Variants in MLPH observed in about 807,000 individuals in gnomAD.
MLPH encodes exophilin-3.
MLPH carries 51 observed loss-of-function variants against 72.1 expected under a neutral mutation model. The ratio of observed to expected loss-of-function variants is 0.71; its 90% confidence interval spans 0.56 to 0.89. The LOEUF (loss-of-function observed/expected upper bound fraction) is 0.89, where lower values mean the gene tolerates loss of function less well. Among genes scored for constraint, MLPH ranks in the 40% least tolerant of loss-of-function variants. MLPH has a pLI of 0.00. For synonymous variants in MLPH, 301 were observed against 310.1 expected, an observed-to-expected ratio of 0.97 and a Z score of 0.31; for missense variants, 743 against 759.9, an observed-to-expected ratio of 0.98 and a Z score of 0.26.
chr2:237,545,527 C>T (rs769132349), intron 12 of MLPH: 1 of 1,289,014 alleles, frequency 7.8e-7, no homozygotes, highest in Non-Finnish European at 1.0e-6. Flanking sequence ...AGTGTAAAAT[C>T]CAAAAGGAGC....
chr2:237,509,527 C>A (rs572857497), intron 2 of MLPH, among the ~76,000 whole-genome samples: 16 of 152,278 alleles, frequency 1.1e-4, no homozygotes, highest in African/African-American at 3.6e-4. Context: ...GGGACTTGTG[C>A]TCCTCTGTTT....
chr2:237,518,058 CTGAT>C (rs1005029421), intron 4 of MLPH: 6 of 242,292 alleles, frequency 2.5e-5, no homozygotes, highest in East Asian at 1.1e-4. Context: ...GGATGAGCCA[CTGAT>C]TGATTGGGTA....
Position 237,518,941 on chromosome 2 carries a change from G to A in MLPH, c.555+293G>A, listed in dbSNP as rs141452832. Among the ~76,000 whole-genome samples, 44 of 152,318 alleles carry A rather than the reference G, an allele frequency of 2.9e-4. No homozygotes were observed. The East Asian group carries it at 8.5e-3, about 29-fold the overall frequency. On this transcript the variant is annotated intron_variant, in intron 5 of 15. Coordinates refer to ENST00000264605, the MANE Select transcript of MLPH (RefSeq NM_024101.7). Reference sequence around the variant, plus strand: ...CTGGGGGCACACGGGTGTAGTGAGTGCAGGGGACTGCTGTAGGACAGGCAG... The same window carrying A: ...CTGGGGGCACACGGGTGTAGTGAGTACAGGGGACTGCTGTAGGACAGGCAG...
intron 2 of MLPH, among the ~76,000 whole-genome samples, chr2:237,500,578 T>C (rs922205803): frequency 6.6e-6 from 1 of 152,210 alleles, no homozygotes; most frequent in Non-Finnish European, 1.5e-5. Context: ...ACACATCCTC[T>C]GAACTCTGAC....
chr2:237,521,541 A>G (rs904416428), intron 6 of MLPH, among the ~76,000 whole-genome samples: 7 of 152,310 alleles, frequency 4.6e-5, no homozygotes, highest in African/African-American at 1.2e-4. Flanking sequence ...ATTAATGCCA[A>G]TTGTGACTAT....
intron 13 of MLPH, among the ~76,000 whole-genome samples, chr2:237,548,464 A>G (rs1422295165): frequency 1.3e-5 from 2 of 152,244 alleles, no homozygotes; most frequent in African/African-American, 4.8e-5. Context: ...GTGAGGACCA[A>G]CAGTCACAGG....
intron 12 of MLPH, chr2:237,545,686 C>T (rs1183788666): frequency 8.2e-7 from 1 of 1,219,320 alleles, no homozygotes; most frequent in Non-Finnish European, 1.0e-6. Flanking sequence ...ATTCAGGAAT[C>T]TTCAGACAAA....
chr2:237,494,665 G>C (rs2079499175), intron 2 of MLPH, among the ~76,000 whole-genome samples: 1 of 152,202 alleles, frequency 6.6e-6, no homozygotes, highest in Non-Finnish European at 1.5e-5. Flanking sequence ...TTCAAGGACA[G>C]AGTTGAGGTC....
chr2:237,551,779 A>C (rs1045160501), intron 14 of MLPH, among the ~76,000 whole-genome samples: 12 of 152,088 alleles, frequency 7.9e-5, no homozygotes, highest in Admixed American at 3.3e-4. Context: ...GGAGTTCGAG[A>C]CCAGCCTGGC....
chr2:237,545,283 C>T (rs115556734), intron 12 of MLPH, among the ~76,000 whole-genome samples: 1,586 of 151,164 alleles, frequency 0.01, 21 homozygotes, highest in African/African-American at 0.036. Context: ...GAGTTGGTGC[C>T]CCCTGAGGCC....
At chr2:237,513,428 G>T (rs2079949934) in intron 4 of MLPH, among the ~76,000 whole-genome samples, 1 of 152,136 alleles carries the variant, frequency 6.6e-6, no homozygotes, top group Admixed American at 6.5e-5. Flanking sequence ...GCCTGACAGT[G>T]CAGACCTCGC....
In MLPH at chr2:237,510,735, G is replaced by A. The variant is rs2079875053; in HGVS notation, c.272G>A (p.Ser91Asn). Residue 91 changes from serine to asparagine, a missense_variant, in exon 3 of 16, where the codon AGC (serine) becomes AAC (asparagine). Physicochemically the swap from Ser to Asn is conservative, Grantham distance 46 (BLOSUM62 1). Coordinates refer to ENST00000264605, the MANE Select transcript of MLPH (RefSeq NM_024101.7). This position sits in a 1 kb window ranked among gnomAD's most constrained non-coding sequence, Gnocchi z 4.4. ...CLECGLFTCK[S>N]CGRVHPEEQG... ...GAATGTGGCCTCTTCACCTGCAAAAGCTGTGGCCGCGTCCACCCGGAGGAG... is the reference window on the plus strand; with the variant it reads ...GAATGTGGCCTCTTCACCTGCAAAAACTGTGGCCGCGTCCACCCGGAGGAG... 1 of 1,613,598 alleles carries A rather than the reference G, an allele frequency of 6.2e-7. No individual in the cohort carries two copies. The highest frequency in any genetic ancestry group is 1.3e-5 in the African/African-American group (1 of 74,952).
intron 2 of MLPH, among the ~76,000 whole-genome samples, chr2:237,504,895 C>A (rs2079731986): frequency 6.6e-6 from 1 of 152,190 alleles, no homozygotes. Context: ...AAAGGAAATA[C>A]AGGTCTTTTA....
At chr2:237,527,830 C>T (rs942965903) in intron 8 of MLPH, 4 of 422,468 alleles carry the variant, frequency 9.5e-6, no homozygotes, top group Non-Finnish European at 1.3e-5. Context: ...TTTGCAACCC[C>T]GTATCCATAG....
chr2:237,540,849 G>C lies in MLPH; in HGVS notation c.1338G>C (p.Gln446His). Residue 446 changes from glutamine to histidine, a missense_variant, in exon 11 of 16, where the codon CAG becomes CAC. Transcript: ENST00000264605. ...HQTNRQEKSPQDPGDPVQYNR... is the reference protein window; with the variant it reads ...HQTNRQEKSPHDPGDPVQYNR... ...CCAACAGACAGGAAAAAAGCCCCCA[G>C]GACCCTGGGGACCCCGTCCAGTACA... 6.2e-7 allele frequency: 1 copy of C among 1,613,342 alleles called. No homozygotes were observed. The highest frequency in any genetic ancestry group is 8.5e-7 in the Non-Finnish European group (1 of 1,180,000).
rs1385716450 is a variant in MLPH at position 237,510,914 on chromosome 2, T to C, written c.333-75T>C. ...ATGCACACACTCGTGTGTGTGTGTG[T>C]GTGTGTGTGTGAGATTTATGCAGGC... is the stretch of plus-strand genomic sequence containing the variant. On this transcript the variant is annotated intron_variant, in intron 3 of 15. Transcript: ENST00000264605. This position sits in a 1 kb window ranked among gnomAD's most constrained non-coding sequence, Gnocchi z 4.4. 1 of 1,493,062 alleles carries C rather than the reference T, an allele frequency of 6.7e-7. No homozygotes were observed. The highest frequency in any genetic ancestry group is 9.3e-7 in the Non-Finnish European group (1 of 1,071,092). The allele number at this position is 1,493,062 out of a possible 1,614,324, so 92.5% of individuals were successfully genotyped here.
At chr2:237,504,910 C>G (rs553316578) in intron 2 of MLPH, among the ~76,000 whole-genome samples, 21 of 152,302 alleles carry the variant, frequency 1.4e-4, no homozygotes, top group African/African-American at 4.1e-4. Context: ...CTTTTATTTC[C>G]CATCTGCTCC....
chr2:237,527,831 G>A (rs920150488), intron 8 of MLPH: 8 of 422,618 alleles, frequency 1.9e-5, no homozygotes, highest in East Asian at 5.1e-5. Context: ...TTGCAACCCC[G>A]TATCCATAGC....
intron 13 of MLPH, among the ~76,000 whole-genome samples, chr2:237,548,398 A>G (rs572235353): frequency 2.3e-4 from 35 of 152,344 alleles, no homozygotes; most frequent in South Asian, 6.2e-4. Context: ...CAGAGAATGG[A>G]TTTCTTATCA....
Sources: gnomAD v4.1 joint callset for allele counts (sites outside exome capture counted in the v4.1 genomes callset) on GRCh38, gnomAD v4.1.1 for gene constraint, Gnocchi (gnomAD v3.1) non-coding constraint, MANE v1.5 for transcripts, NCBI Gene and HGNC (gene_info 2026-07-23, HGNC 2026-07-21) for gene names.